The following SSPN variants were observed in gnomAD, a reference collection of about 807,000 sequenced individuals.
SSPN encodes the protein K-ras oncogene-associated protein.
Under a neutral mutation model 19.1 loss-of-function variants are expected in SSPN, and 15 were observed. That is an observed-to-expected ratio of 0.78 (90% CI 0.52 to 1.21). The LOEUF (loss-of-function observed/expected upper bound fraction) is 1.21, where lower values mean the gene tolerates loss of function less well. SSPN is among the 50% of genes most tolerant of loss of function. The probability of loss-of-function intolerance (pLI) is 0.00; values close to 1 mark genes in which losing one functional copy is unlikely to be tolerated. For synonymous variants in SSPN, 147 were observed against 140.3 expected (o/e 1.05, Z -0.34); for missense variants, 291 against 314.0 (o/e 0.93, Z 0.55).
chr12:26,155,170 G>A (rs1046445202), intron 1 of SSPN, among the ~76,000 whole-genome samples: 8 of 152,170 alleles, frequency 5.3e-5, no homozygotes, highest in Admixed American at 2.0e-4. Context: ...TAGTGTATTC[G>A]TGGTATACAG....
chr12:26,154,691 C>T (rs893557159), intron 1 of SSPN, among the ~76,000 whole-genome samples: 5 of 152,156 alleles, frequency 3.3e-5, no homozygotes, highest in African/African-American at 1.2e-4. Context: ...AGTAGGTAAA[C>T]ATTTCAGCTG....
chr12:26,221,912 C>A (rs899676391), intron 1 of SSPN, among the ~76,000 whole-genome samples: 3 of 152,154 alleles, frequency 2.0e-5, no homozygotes, highest in African/African-American at 7.2e-5. Context: ...TTTATAAATT[C>A]TTAATGTGAG....
chr12:26,151,208 G>A (rs1328608640), intron 1 of SSPN, among the ~76,000 whole-genome samples: 1 of 151,700 alleles, frequency 6.6e-6, no homozygotes, highest in East Asian at 1.9e-4. Flanking sequence ...AAAAAAAATT[G>A]TGCTATAATG....
chr12:26,168,392 G>A (rs576229397), intron 1 of SSPN, among the ~76,000 whole-genome samples: 2 of 152,256 alleles, frequency 1.3e-5, no homozygotes, highest in African/African-American at 2.4e-5. Context: ...AATCCACCCC[G>A]CCCAGTGTTC....
intron 1 of SSPN, among the ~76,000 whole-genome samples, chr12:26,223,936 TA>T (rs1336094990): frequency 2.6e-5 from 4 of 152,228 alleles, no homozygotes; most frequent in African/African-American, 9.6e-5. Context: ...GAATAATATT[TA>T]ACATGAAATG....
At chr12:26,211,328 A>G (rs1020184285) in intron 1 of SSPN, 2 of 152,198 alleles carry the variant, frequency 1.3e-5, no homozygotes, top group African/African-American at 2.4e-5. Context: ...AAGTGATTCT[A>G]TTTGAAGATC....
chr12:26,171,046 T>C (rs1321280521), intron 1 of SSPN, among the ~76,000 whole-genome samples: 1 of 152,194 alleles, frequency 6.6e-6, no homozygotes, highest in Admixed American at 6.5e-5. Flanking sequence ...TAGTAAGTGA[T>C]AGTGATGAGA....
chr12:26,204,857 C>T (rs1259261325), intron 1 of SSPN, among the ~76,000 whole-genome samples: 1 of 152,186 alleles, frequency 6.6e-6, no homozygotes, highest in African/African-American at 2.4e-5. Flanking sequence ...CCTTTCATAA[C>T]AATTGGTCCA....
At chr12:26,207,992 C>G (rs969707070) in intron 1 of SSPN, among the ~76,000 whole-genome samples, 2 of 144,234 alleles carry the variant, frequency 1.4e-5, no homozygotes, top group South Asian at 4.9e-4. Flanking sequence ...AGAGCAAGAC[C>G]CTGTCTCAAA....
intron 1 of SSPN, among the ~76,000 whole-genome samples, chr12:26,132,697 A>G (rs927249834): frequency 4.6e-5 from 7 of 152,166 alleles, no homozygotes; most frequent in Admixed American, 2.0e-4. Context: ...CCAAGCATAT[A>G]CAATTTCACT....
intron 1 of SSPN, among the ~76,000 whole-genome samples, chr12:26,138,712 A>G (rs1398899985): frequency 6.6e-6 from 1 of 152,080 alleles, no homozygotes; most frequent in African/African-American, 2.4e-5. Context: ...ATAAATAATT[A>G]TTTTTAAAAA....
chr12:26,211,528 G>C (rs1371189452), intron 1 of SSPN: 1 of 152,174 alleles, frequency 6.6e-6, no homozygotes, highest in Admixed American at 6.5e-5. Flanking sequence ...GATCTTCCTA[G>C]CTTTCCAGCC....
At chr12:26,191,297 A>C (rs137936646), upstream of SSPN, among the ~76,000 whole-genome samples, 1,132 of 152,350 alleles carry the variant, frequency 7.4e-3, 10 homozygotes, top group African/African-American at 0.026. Flanking sequence ...TAAATGATTG[A>C]AATTTATCAC....
At chr12:26,142,316 A>G (rs1448700232) in intron 1 of SSPN, among the ~76,000 whole-genome samples, 1 of 152,174 alleles carries the variant, frequency 6.6e-6, no homozygotes, top group Non-Finnish European at 1.5e-5. Flanking sequence ...AGTTGGGACG[A>G]TATGGCCATT....
intron 1 of SSPN, among the ~76,000 whole-genome samples, chr12:26,218,630 G>T (rs945572680): frequency 6.6e-6 from 1 of 152,188 alleles, no homozygotes; most frequent in African/African-American, 2.4e-5. Flanking sequence ...TAAGGCAGTG[G>T]CAATGAGAAT....
At chr12:26,207,197 G>A (rs1438206935) in intron 1 of SSPN, among the ~76,000 whole-genome samples, 1 of 152,110 alleles carries the variant, frequency 6.6e-6, no homozygotes, top group African/African-American at 2.4e-5. Context: ...AAAATATTTG[G>A]TAATGATTTT....
chr12:26,219,324 G>GA (rs1945093541), intron 1 of SSPN, among the ~76,000 whole-genome samples: 8 of 151,156 alleles, frequency 5.3e-5, no homozygotes, highest in African/African-American at 1.9e-4. Flanking sequence ...AGACCAAAAG[G>GA]GAAAAAAAAT....
At chr12:26,171,738 T>C (rs1591860406) in intron 1 of SSPN, among the ~76,000 whole-genome samples, 1 of 152,216 alleles carries the variant, frequency 6.6e-6, no homozygotes, top group African/African-American at 2.4e-5. Flanking sequence ...GTTTTAACTT[T>C]TAATACAATA....
At chr12:26,168,257 A>C (rs1030622055) in intron 1 of SSPN, among the ~76,000 whole-genome samples, 1 of 152,106 alleles carries the variant, frequency 6.6e-6, no homozygotes, top group Non-Finnish European at 1.5e-5. Flanking sequence ...ACATATTTGT[A>C]AGATTACATA....
Sources: gnomAD v4.1 joint callset for allele counts (sites outside exome capture counted in the v4.1 genomes callset) on GRCh38, gnomAD v4.1.1 for gene constraint, MANE v1.5 for transcripts, NCBI Gene and HGNC (gene_info 2026-07-23, HGNC 2026-07-21) for gene names.